The following LRP2 variants were observed in gnomAD, a reference collection of about 807,000 sequenced individuals.
The protein encoded by LRP2 is low-density lipoprotein receptor-related protein 2.
LRP2 carries 172 observed loss-of-function variants against 531.0 expected under a neutral mutation model. The ratio of observed to expected loss-of-function variants is 0.32; its 90% CI spans 0.29 to 0.37. The LOEUF (loss-of-function observed/expected upper bound fraction) is 0.37, where lower values mean the gene tolerates loss of function less well. Among genes scored for constraint, LRP2 ranks in the 10% least tolerant of loss-of-function variants. The pLI is 1.00. For synonymous variants in LRP2, 1,992 were observed against 2,027.6 expected (o/e 0.98, Z 0.47); for missense variants, 5,167 against 5,868.3 (o/e 0.88, Z 3.90).
At chr2:169,280,241 C>T (rs1483810162) in intron 11 of LRP2, 109 bp downstream of exon 11, 1 of 1,233,612 alleles carries the variant, frequency 8.1e-7, no homozygotes, top group East Asian at 2.4e-5. Flanking sequence ...TCTCAAGGGC[C>T]TTTTTTGTTA....
At chr2:169,332,723 A>G in intron 1 of LRP2, among the ~76,000 whole-genome samples, 1 of 152,252 alleles carries the variant, frequency 6.6e-6, no homozygotes. Flanking sequence ...ATATACATAT[A>G]TATATACACA....
intron 55 of LRP2, 117 bp from the exon 56 acceptor site, chr2:169,174,281 C>T: frequency 1.6e-6 from 2 of 1,261,160 alleles, no homozygotes; most frequent in Non-Finnish European, 2.3e-6. Context: ...GACTTATTTC[C>T]TAATGTACTT....
intron 26 of LRP2, 57 bp from the exon 27 acceptor site, chr2:169,238,359 C>T: frequency 1.7e-6 from 2 of 1,186,958 alleles, no homozygotes; most frequent in South Asian, 1.3e-5. Flanking sequence ...CACAAAACAA[C>T]TCTTTAAAAC....
chr2:169,324,270 T>C (rs1332058505), intron 1 of LRP2, among the ~76,000 whole-genome samples: 1 of 152,162 alleles, frequency 6.6e-6, no homozygotes, highest in Non-Finnish European at 1.5e-5. Flanking sequence ...GATTCCAGCA[T>C]TCGTGCTACT....
intron 19 of LRP2, among the ~76,000 whole-genome samples, chr2:169,248,720 G>A (rs1245913305): frequency 1.6e-5 from 2 of 125,802 alleles, no homozygotes; most frequent in South Asian, 2.3e-4. Context: ...TCCATCTGAG[G>A]TACCGGGTTC....
rs564886864 is a variant in LRP2, at chr2:169,266,032, G to A, written c.2320+4872C>T. On this transcript the variant is annotated intron_variant, in intron 16 of 78. Transcript: ENST00000649046. ...TTTAAAAACTAAGCAAATGAAAATGGGGCAATTGTCAAAAATTGTCAAGAA... is the reference window on the plus strand; with the variant it reads ...TTTAAAAACTAAGCAAATGAAAATGAGGCAATTGTCAAAAATTGTCAAGAA... Among the ~76,000 whole-genome samples the A allele has an allele frequency of 1.6e-3, 244 of 152,044 alleles. 3 individuals are homozygous for A. The highest frequency in any genetic ancestry group is 5.5e-3 in the African/African-American group (229 of 41,500).
rs2105513338 is a variant in LRP2, at chr2:169,318,869, T to C, written c.203A>G (p.Gln68Arg). 6.2e-7 allele frequency: 1 copy of C among 1,614,140 alleles called. No individual in the cohort carries two copies. The highest frequency in any genetic ancestry group is 1.6e-4 in the Middle Eastern group (1 of 6,062). ...DEIGCAVVTC[Q>R]QGYFKCQSEG... Reference sequence around the variant, plus strand: ...ACTCTGGCACTTGAAATAGCCCTGCTGGCAGGTCACAACAGCTAAAACAAA... The same window carrying C: ...ACTCTGGCACTTGAAATAGCCCTGCCGGCAGGTCACAACAGCTAAAACAAA... The change falls in exon 3 of 79, where the codon CAG becomes CGG. Residue 68 changes from glutamine (Q) to arginine (R), a missense_variant. This residue lies in a region of LRP2 where 2,811 missense variants were observed against 3,058.0 expected (regional missense o/e 0.92). Coordinates refer to ENST00000649046, the MANE Select transcript of LRP2 (RefSeq NM_004525.3).
rs546279979 is a variant in LRP2, at chr2:169,151,603, G to A, written c.12462-577C>T. Among the ~76,000 whole-genome samples, 5 of 152,192 alleles carry A rather than the reference G, an allele frequency of 3.3e-5. No individual in the cohort carries two copies. In the South Asian group the frequency reaches 1.0e-3, roughly 32 times the overall value. ...AACAGCCTTTTAAAATAACAAACTC[G>A]GCAAGACTGTCCTGCCTTATTTCCA... is the stretch of plus-strand genomic sequence containing the variant. On this transcript the variant is annotated intron_variant, in intron 67 of 78. Coordinates refer to ENST00000649046, the MANE Select transcript of LRP2 (RefSeq NM_004525.3).
At chr2:169,319,689 A>C (rs1684860922) in intron 2 of LRP2, among the ~76,000 whole-genome samples, 1 of 152,222 alleles carries the variant, frequency 6.6e-6, no homozygotes, top group African/African-American at 2.4e-5. Context: ...AATATAGTTT[A>C]GTCCCTTGTT....
intron 58 of LRP2, 136 bp from the exon 59 acceptor site, chr2:169,170,803 C>A: frequency 2.8e-6 from 2 of 725,818 alleles, no homozygotes; most frequent in South Asian, 1.4e-5. Flanking sequence ...TTGGGCAAAT[C>A]ATTCACCCTC....
chr2:169,360,619 T>C (rs1686123824), intron 1 of LRP2, among the ~76,000 whole-genome samples: 1 of 152,156 alleles, frequency 6.6e-6, no homozygotes, highest in Non-Finnish European at 1.5e-5. Flanking sequence ...TAGTAAATCC[T>C]ATAGCTATAT....
At position 169,345,536 on chromosome 2, in the gene LRP2, G is replaced by A. The variant is rs73971893; in HGVS notation, c.79+16785C>T. On this transcript the variant is annotated intron_variant, in intron 1 of 78. Coordinates refer to ENST00000649046, the MANE Select transcript of LRP2 (RefSeq NM_004525.3). Reference sequence around the variant, plus strand: ...ACAAAGGAGTAGCACAAGGGAGTTAGTGGGGGTGATTGAACTGTTCTAATC... The same window carrying A: ...ACAAAGGAGTAGCACAAGGGAGTTAATGGGGGTGATTGAACTGTTCTAATC... 4.0e-3 allele frequency among the ~76,000 whole-genome samples: 606 copies of A among 152,304 alleles called. 5 individuals are homozygous for A. The highest frequency in any genetic ancestry group is 0.014 in the African/African-American group (582 of 41,576).
At chr2:169,217,692 G>A (rs1161508973) in intron 34 of LRP2, among the ~76,000 whole-genome samples, 2 of 152,140 alleles carry the variant, frequency 1.3e-5, no homozygotes, top group African/African-American at 4.8e-5. Context: ...CCTAATCTAA[G>A]CTGAGGATTC....
intron 4 of LRP2, among the ~76,000 whole-genome samples, chr2:169,300,230 G>A (rs1395912000): frequency 6.6e-6 from 1 of 151,992 alleles, no homozygotes; most frequent in African/African-American, 2.4e-5. Flanking sequence ...TGAAATTACA[G>A]CTATTAAAGT....
At chr2:169,183,864 C>A (rs1687531302) in intron 50 of LRP2, among the ~76,000 whole-genome samples, 1 of 152,122 alleles carries the variant, frequency 6.6e-6, no homozygotes, top group Non-Finnish European at 1.5e-5. Context: ...AAAGTTGTTT[C>A]TAATTTCAGT....
chr2:169,193,564 A>G (rs1223433212), intron 47 of LRP2, among the ~76,000 whole-genome samples, 197 bp downstream of exon 47: 2 of 152,116 alleles, frequency 1.3e-5, no homozygotes, highest in Non-Finnish European at 2.9e-5. Flanking sequence ...GTAAACATAA[A>G]GTCATTTTTC....
In LRP2 at chr2:169,174,175, G is replaced by C; in HGVS notation, c.10769-11C>G. The C allele has an allele frequency of 6.2e-7, 1 of 1,614,134 alleles. No homozygotes were observed. The highest frequency in any genetic ancestry group is 1.1e-5 in the South Asian group (1 of 91,058). ...CACAGTGGTGATTCTCTGAGAGCAG[G>C]GACATTTGGTTATCAGCTTGGAAGG... On this transcript the variant is annotated splice_polypyrimidine_tract_variant and intron_variant, in intron 55 of 78. Coordinates refer to ENST00000649046, the MANE Select transcript of LRP2 (RefSeq NM_004525.3).
At chr2:169,169,663 C>G (rs1299085671) in intron 60 of LRP2, 39 bp downstream of exon 60, 2 of 1,477,996 alleles carry the variant, frequency 1.4e-6, no homozygotes, top group South Asian at 2.3e-5. Context: ...TATCCATGCT[C>G]TCAGGTAAGC....
intron 38 of LRP2, among the ~76,000 whole-genome samples, chr2:169,208,493 G>C (rs1217522330): frequency 1.3e-5 from 2 of 151,924 alleles, no homozygotes; most frequent in African/African-American, 4.8e-5. Flanking sequence ...GTCTCAGTCT[G>C]TCACCCAGGC....
Sources: gnomAD v4.1 joint callset for allele counts (sites outside exome capture counted in the v4.1 genomes callset) on GRCh38, gnomAD v4.1.1 for gene constraint, gnomAD v4.1.1 regional missense constraint, MANE v1.5 for transcripts, NCBI Gene and HGNC (gene_info 2026-07-23, HGNC 2026-07-21) for gene names.